Variants in TSGA10 observed in about 807,000 individuals in gnomAD.
TSGA10 encodes testis specific 10.
Under a neutral mutation model 96.6 loss-of-function variants are expected in TSGA10, and 43 were observed. The observed-to-expected ratio is 0.44, with a 90% CI of 0.35 to 0.57. TSGA10 has a LOEUF of 0.57. Ranked by LOEUF, TSGA10 falls within the 20% of genes least tolerant of loss-of-function variation. TSGA10 has a pLI of 0.01. For missense variants in TSGA10, 703 were observed against 834.4 expected (o/e 0.84, Z 1.94); for synonymous variants, 229 against 269.9 (o/e 0.85, Z 1.48).
intron 9 of TSGA10, among the ~76,000 whole-genome samples, chr2:99,105,008 C>T (rs2091190146): frequency 6.6e-6 from 1 of 152,034 alleles, no homozygotes; most frequent in South Asian, 2.1e-4. Flanking sequence ...ATTTTCTCTC[C>T]TTATCCACTC....
In TSGA10 at chr2:99,071,782, G is replaced by A. The variant is rs781583449; in HGVS notation, c.1031C>T (p.Ala344Val). 5.0e-6 allele frequency: 8 copies of A among 1,613,868 alleles called. No homozygotes were observed. Among genetic ancestry groups the A allele is most frequent in the Non-Finnish European group, 6.8e-6 (8 of 1,179,904 alleles). The change falls in exon 14 of 21, where the codon GCC (alanine) becomes GTC (valine). Residue 344 changes from alanine to valine, a missense_variant. Transcript: ENST00000393483. ...DETNDELAQI[A>V]RERDILAHDN... Reference sequence around the variant, plus strand: ...ATGAGCCAAGATATCTCTTTCCCTGGCGATCTGGGCCAGCTCATCATTTGT... The same window carrying A: ...ATGAGCCAAGATATCTCTTTCCCTGACGATCTGGGCCAGCTCATCATTTGT...
Position 99,143,311 on chromosome 2 carries a change from T to TG in TSGA10, c.-621+11381_-621+11382insC, listed in dbSNP as rs202051149. Among the ~76,000 whole-genome samples, 50 of 151,298 alleles carry TG rather than the reference T, an allele frequency of 3.3e-4. No individual in the cohort carries two copies. The East Asian group carries it at 7.6e-3, about 23-fold the overall frequency. On this transcript the variant is annotated intron_variant, in intron 1 of 20. Coordinates refer to ENST00000393483, the MANE Select transcript of TSGA10 (RefSeq NM_025244.4). Reference sequence around the variant, plus strand: ...CGCCCACTACTACGCCCAGCTTTTTTTTTGTTTGTTTTTTGTTTTTTGTAT... The same window carrying TG: ...CGCCCACTACTACGCCCAGCTTTTTTGTTTGTTTGTTTTTTGTTTTTTGTAT...
chr2:99,141,269 C>A (rs1280522794), intron 1 of TSGA10: 1 of 736,412 alleles, frequency 1.4e-6, no homozygotes, highest in East Asian at 1.2e-4. Context: ...GGAGGAAGGA[C>A]GGAGCCCGCG....
At chr2:99,130,134 T>C (rs2093007495) in intron 1 of TSGA10, among the ~76,000 whole-genome samples, 2 of 152,226 alleles carry the variant, frequency 1.3e-5, no homozygotes, top group African/African-American at 4.8e-5. Context: ...TATAATCCTT[T>C]GGGTATATAC....
intron 20 of TSGA10, among the ~76,000 whole-genome samples, chr2:99,009,657 T>C (rs1478132812): frequency 6.6e-6 from 1 of 151,872 alleles, no homozygotes; most frequent in East Asian, 1.9e-4. Flanking sequence ...TGTAGATGCA[T>C]TCTGGGATTG....
chr2:98,998,352 A>G, intron 20 of TSGA10, 131 bp from the exon 21 acceptor site: 1 of 696,724 alleles, frequency 1.4e-6, no homozygotes, highest in Admixed American at 3.1e-5. Flanking sequence ...GAAGGAAAAC[A>G]AAAAACAATA....
At chr2:99,084,324 T>A (rs1322263383) in intron 10 of TSGA10, among the ~76,000 whole-genome samples, 1 of 152,214 alleles carries the variant, frequency 6.6e-6, no homozygotes, top group Non-Finnish European at 1.5e-5. Context: ...AAGAGATGAC[T>A]GGATCACGGG....
At chr2:99,081,479 A>T in intron 10 of TSGA10, 82 bp from the exon 11 acceptor site, 1 of 560,240 alleles carries the variant, frequency 1.8e-6, no homozygotes, top group Admixed American at 3.4e-5. Flanking sequence ...AAAACTTTTA[A>T]GGACACTAAT....
intron 1 of TSGA10, chr2:99,150,883 G>C (rs1047188023): frequency 2.4e-6 from 3 of 1,242,774 alleles, no homozygotes; most frequent in Non-Finnish European, 3.4e-6. Context: ...CTTTGACTAA[G>C]GGGGGTGTTG....
chr2:99,094,858 A>T (rs951737989), intron 10 of TSGA10, among the ~76,000 whole-genome samples: 34 of 152,314 alleles, frequency 2.2e-4, no homozygotes, highest in Admixed American at 2.2e-3. Flanking sequence ...TCCTTAAAGA[A>T]CTAAATGTAA....
chr2:99,110,569 A>G (rs1294728239), intron 5 of TSGA10, among the ~76,000 whole-genome samples: 1 of 152,234 alleles, frequency 6.6e-6, no homozygotes. Flanking sequence ...AGAATTATTC[A>G]GTCATCATTT....
chr2:99,069,369 A>G (rs960823187), intron 14 of TSGA10, among the ~76,000 whole-genome samples: 1 of 152,124 alleles, frequency 6.6e-6, no homozygotes, highest in East Asian at 1.9e-4. Flanking sequence ...GCAGAAAGCA[A>G]ATCTGTGATC....
chr2:99,024,584 T>C (rs985376533), intron 17 of TSGA10, among the ~76,000 whole-genome samples: 8 of 152,214 alleles, frequency 5.3e-5, no homozygotes, highest in African/African-American at 1.4e-4. Context: ...TTTCAGATCA[T>C]GTCACCTGCG....
At chr2:99,039,138 G>T (rs1050736832) in intron 16 of TSGA10, among the ~76,000 whole-genome samples, 13 of 152,198 alleles carry the variant, frequency 8.5e-5, no homozygotes, top group Admixed American at 7.8e-4. Flanking sequence ...TACAGCAAAA[G>T]TGGTACTAAG....
At chr2:99,031,309 A>T (rs1283202322) in intron 17 of TSGA10, among the ~76,000 whole-genome samples, 1 of 149,800 alleles carries the variant, frequency 6.7e-6, no homozygotes, top group Non-Finnish European at 1.5e-5. Flanking sequence ...AAAAAAAAAA[A>T]AAAGAACCTC....
intron 10 of TSGA10, 122 bp from the exon 11 acceptor site, chr2:99,081,519 A>G (rs958798332): frequency 1.2e-5 from 5 of 410,906 alleles, no homozygotes; most frequent in Non-Finnish European, 1.7e-5. Context: ...ATTTTTATAC[A>G]GTTTTAATAT....
At chr2:99,128,407 G>A (rs2092929982) in intron 1 of TSGA10, among the ~76,000 whole-genome samples, 1 of 151,250 alleles carries the variant, frequency 6.6e-6, no homozygotes. Context: ...TGTTAAAAAT[G>A]TATTGCTAGT....
intron 8 of TSGA10, 30 bp downstream of exon 8, chr2:99,105,497 T>C (rs762475503): frequency 6.2e-7 from 1 of 1,613,478 alleles, no homozygotes; most frequent in Non-Finnish European, 8.5e-7. Context: ...GTGTTTCACA[T>C]ATATTCACGT....
chr2:99,027,171 C>A (rs1468557025), intron 17 of TSGA10, among the ~76,000 whole-genome samples: 1 of 152,190 alleles, frequency 6.6e-6, no homozygotes, highest in Non-Finnish European at 1.5e-5. Context: ...AGGCTATGGG[C>A]CCGTACAGGT....
Sources: gnomAD v4.1 joint callset for allele counts (sites outside exome capture counted in the v4.1 genomes callset) on GRCh38, gnomAD v4.1.1 for gene constraint, MANE v1.5 for transcripts, NCBI Gene and HGNC (gene_info 2026-07-23, HGNC 2026-07-21) for gene names.